UBE3C: variants seen among roughly 807,000 people sequenced by gnomAD.
UBE3C encodes ubiquitin protein ligase E3C.
UBE3C carries 42 observed loss-of-function variants against 129.4 expected under a neutral mutation model. That is an observed-to-expected ratio of 0.32 (90% CI 0.25 to 0.42). UBE3C has a LOEUF of 0.42. UBE3C is among the 10% of genes least tolerant of loss of function. The pLI, the probability that UBE3C is intolerant of heterozygous loss-of-function variation, is 1.00. For synonymous variants in UBE3C, 510 were observed against 492.4 expected (o/e 1.04, Z -0.47); for missense variants, 1,049 against 1,319.1 (o/e 0.80, Z 3.17).
chr7:157,215,217 G>A (rs1018875505), intron 13 of UBE3C, among the ~76,000 whole-genome samples: 4 of 151,982 alleles, frequency 2.6e-5, no homozygotes, highest in Non-Finnish European at 5.9e-5. Context: ...CTCTGTCCAC[G>A]GGTAGGTCAT....
chr7:157,148,538 T>C (rs539927471), intron 1 of UBE3C, among the ~76,000 whole-genome samples: 5 of 152,174 alleles, frequency 3.3e-5, no homozygotes, highest in African/African-American at 1.2e-4. Context: ...AAAACTGCCC[T>C]CTATTATATA....
At chr7:157,146,927 G>C (rs1365048973) in intron 1 of UBE3C, among the ~76,000 whole-genome samples, 1 of 152,116 alleles carries the variant, frequency 6.6e-6, no homozygotes, top group African/African-American at 2.4e-5. Flanking sequence ...CTGGGGTTAC[G>C]GGAGTGAGAC....
At chr7:157,154,529 CTT>C (rs1443549156) in intron 1 of UBE3C, among the ~76,000 whole-genome samples, 1 of 152,038 alleles carries the variant, frequency 6.6e-6, no homozygotes, top group Non-Finnish European at 1.5e-5. Flanking sequence ...ATATCGGCAT[CTT>C]TATATTTGTT....
intron 10 of UBE3C, among the ~76,000 whole-genome samples, chr7:157,190,831 C>T (rs546741255): frequency 2.0e-5 from 3 of 152,282 alleles, no homozygotes; most frequent in South Asian, 4.1e-4. Flanking sequence ...TTTTCTCCAA[C>T]CATAAATGAG....
intron 10 of UBE3C, 27 bp downstream of exon 10, chr7:157,187,048 G>C (rs1808826732): frequency 6.4e-7 from 1 of 1,561,408 alleles, no homozygotes; most frequent in Admixed American, 1.9e-5. Flanking sequence ...GTCTGTGCCA[G>C]GGGGTGCCAG....
intron 18 of UBE3C, among the ~76,000 whole-genome samples, chr7:157,235,345 T>A (rs1796127987): frequency 6.6e-6 from 1 of 152,194 alleles, no homozygotes; most frequent in Non-Finnish European, 1.5e-5. Context: ...ACTTGGTGGT[T>A]TTTACACAGT....
Position 157,207,782 on chromosome 7 carries a change from A to G in UBE3C, c.1656A>G (p.Ala552=). 3 of 1,614,212 alleles carry G rather than the reference A, an allele frequency of 1.9e-6. No homozygotes were observed. The highest frequency in any genetic ancestry group is 2.5e-6 in the Non-Finnish European group (3 of 1,180,042). Residue 552 remains alanine (A), a synonymous_variant, in exon 13 of 23, where the codon GCA becomes GCG. Transcript: ENST00000348165. ...LIMLSRCLRD[A]CLGIIKLAYP... ...TGTTGTCTCGATGCCTTCGAGATGC[A>G]TGCCTGGGGATCATCAAGTTGGCTT...
At chr7:157,231,360 G>C (rs762263640) in intron 18 of UBE3C, 33 bp downstream of exon 18, 1 of 1,603,214 alleles carries the variant, frequency 6.2e-7, no homozygotes, top group Admixed American at 1.7e-5. Flanking sequence ...ATAGACCTCG[G>C]ACCAAAAGAT....
chr7:157,190,157 A>G (rs1471048356), intron 10 of UBE3C, among the ~76,000 whole-genome samples: 2 of 152,160 alleles, frequency 1.3e-5, no homozygotes, highest in African/African-American at 4.8e-5. Flanking sequence ...AAGTGGCTTC[A>G]GCTACATTCT....
chr7:157,186,056 G>A (rs1247782852), intron 9 of UBE3C, among the ~76,000 whole-genome samples: 1 of 152,050 alleles, frequency 6.6e-6, no homozygotes, highest in Non-Finnish European at 1.5e-5. Flanking sequence ...ATTGGCTTGG[G>A]TTATATTCAG....
intron 1 of UBE3C, among the ~76,000 whole-genome samples, chr7:157,144,773 C>T (rs904108280): frequency 2.0e-5 from 3 of 152,062 alleles, no homozygotes; most frequent in African/African-American, 4.8e-5. Flanking sequence ...CCTAGTCTCC[C>T]TCACCTCACT....
At position 157,181,617 on chromosome 7, in the gene UBE3C, A is replaced by G. The variant is rs1157940356; in HGVS notation, c.716A>G (p.Glu239Gly). 1.9e-6 allele frequency: 3 copies of G among 1,613,876 alleles called. No individual in the cohort carries two copies. The South Asian group carries it at 3.3e-5, about 18-fold the overall frequency. The change falls in exon 7 of 23, where the codon GAG (glutamate) becomes GGG (glycine). Residue 239 changes from glutamate (E) to glycine (G), a missense_variant. Transcript: ENST00000348165. ...GTTCCTATAGCAAAAATTTTGCTAG[A>G]GAATGTTCTAAAACCATTGCACTTT... ...SRVPIAKILL[E>G]NVLKPLHFTY...
In UBE3C at chr7:157,229,499, TAG is replaced by T. The variant is rs562775039; in HGVS notation, c.2234-1577_2234-1576del. On this transcript the variant is annotated intron_variant, in intron 17 of 22. Coordinates refer to ENST00000348165, the MANE Select transcript of UBE3C (RefSeq NM_014671.3). ...CCGGCTAATTTTTTTTTGTATTTAGTAGAGACGGGGTTTCACCATGTTAGTCA... is the reference window on the plus strand; with the variant it reads ...CCGGCTAATTTTTTTTTGTATTTAGTAGACGGGGTTTCACCATGTTAGTCA... 3.7e-3 allele frequency among the ~76,000 whole-genome samples: 560 copies of T among 152,290 alleles called. 3 individuals are homozygous for T. Among genetic ancestry groups the T allele is most frequent in the Middle Eastern group, 6.8e-3 (2 of 294 alleles).
At chr7:157,173,578 T>G (rs1808438254) in intron 4 of UBE3C, among the ~76,000 whole-genome samples, 1 of 152,260 alleles carries the variant, frequency 6.6e-6, no homozygotes, top group African/African-American at 2.4e-5. Context: ...CTTACGACTT[T>G]AAGTCAAATA....
chr7:157,152,969 G>C (rs147755224), intron 1 of UBE3C, among the ~76,000 whole-genome samples: 1,936 of 152,260 alleles, frequency 0.013, 43 homozygotes, highest in African/African-American at 0.045. Flanking sequence ...GCTGAGGGGG[G>C]TGGATTGCCT....
chr7:157,248,446 G>A lies in UBE3C; in HGVS notation c.2560G>A (p.Val854Met), dbSNP rs960545991. Reference sequence around the variant, plus strand: ...CAAGTTGCTTGGAACCAGTGCCGACGTGGACATTCACCACCTCGCCTCCCT... The same window carrying A: ...CAAGTTGCTTGGAACCAGTGCCGACATGGACATTCACCACCTCGCCTCCCT... Reference protein sequence around the residue: ...LSKLLGTSADVDIHHLASLDP... With the variant: ...LSKLLGTSADMDIHHLASLDP... The change falls in exon 19 of 23, where the codon GTG (valine) becomes ATG (methionine). Residue 854 changes from valine to methionine, a missense_variant. Physicochemically the swap from Val to Met is conservative, Grantham distance 21. Transcript: ENST00000348165. 1.2e-6 allele frequency: 2 copies of A among 1,613,650 alleles called. No homozygotes were observed. The highest frequency in any genetic ancestry group is 8.5e-7 in the Non-Finnish European group (1 of 1,180,020).
chr7:157,183,588 G>A (rs1014172809), intron 8 of UBE3C, among the ~76,000 whole-genome samples: 2 of 152,078 alleles, frequency 1.3e-5, no homozygotes, highest in Non-Finnish European at 2.9e-5. Flanking sequence ...GCCCCATTCT[G>A]AGTCCCCTAG....
chr7:157,163,936 G>A, intron 2 of UBE3C, 73 bp downstream of exon 2: 5 of 1,349,270 alleles, frequency 3.7e-6, no homozygotes, highest in Non-Finnish European at 4.2e-6. Context: ...TGGTTTTACT[G>A]TATATATGTA....
At chr7:157,178,323 T>C (rs1414929084) in intron 5 of UBE3C, among the ~76,000 whole-genome samples, 1 of 152,222 alleles carries the variant, frequency 6.6e-6, no homozygotes, top group African/African-American at 2.4e-5. Flanking sequence ...TGAGATGCAC[T>C]GTTAAAGAGA....
Sources: gnomAD v4.1 joint callset for allele counts (sites outside exome capture counted in the v4.1 genomes callset) on GRCh38, gnomAD v4.1.1 for gene constraint, MANE v1.5 for transcripts, NCBI Gene and HGNC (gene_info 2026-07-23, HGNC 2026-07-21) for gene names.